Variants in UGT1A10 observed in about 807,000 individuals in gnomAD.
UGT1A10 encodes the protein UDP-glucuronosyltransferase 1A10.
UGT1A10 carries 49 observed loss-of-function variants against 45.8 expected under a neutral mutation model. The ratio of observed to expected loss-of-function variants is 1.07; its 90% CI spans 0.85 to 1.36. UGT1A10 has a LOEUF of 1.36. Among genes scored for constraint, UGT1A10 ranks in the 40% most tolerant of loss-of-function variants. The pLI is 0.00. For synonymous variants in UGT1A10, 284 were observed against 249.7 expected, an observed-to-expected ratio of 1.14 and a Z score of -1.29; for missense variants, 745 against 668.6, an observed-to-expected ratio of 1.11 and a Z score of -1.26.
intron 1 of UGT1A10, among the ~76,000 whole-genome samples, chr2:233,677,509 C>G (rs1272888813): frequency 6.6e-6 from 1 of 152,016 alleles, no homozygotes; most frequent in Non-Finnish European, 1.5e-5. Context: ...GTATTATATC[C>G]TGTATTATGA....
At chr2:233,724,307 C>T (rs2077214825) in intron 1 of UGT1A10, among the ~76,000 whole-genome samples, 2 of 146,966 alleles carry the variant, frequency 1.4e-5, no homozygotes, top group African/African-American at 2.5e-5. Flanking sequence ...CCACCTCCCT[C>T]CCGGACGGGG....
At chr2:233,718,692 G>A in intron 1 of UGT1A10, 1 of 1,589,924 alleles carries the variant, frequency 6.3e-7, no homozygotes, top group Middle Eastern at 2.3e-4. Context: ...AACTGGAGGA[G>A]GGCACTTTGT....
At chr2:233,668,846 G>A (rs1014644157) in intron 1 of UGT1A10, among the ~76,000 whole-genome samples, 3 of 152,144 alleles carry the variant, frequency 2.0e-5, no homozygotes, top group African/African-American at 4.8e-5. Context: ...CCAGGATACC[G>A]CATGACATTT....
At chr2:233,676,336 T>A (rs540806557) in intron 1 of UGT1A10, among the ~76,000 whole-genome samples, 17 of 152,286 alleles carry the variant, frequency 1.1e-4, no homozygotes, top group African/African-American at 4.1e-4. Flanking sequence ...TTACAAATAC[T>A]TCATTGTAGA....
At chr2:233,643,049 C>T (rs2073497176) in intron 1 of UGT1A10, among the ~76,000 whole-genome samples, 1 of 152,198 alleles carries the variant, frequency 6.6e-6, no homozygotes, top group African/African-American at 2.4e-5. Context: ...GTAACCACCT[C>T]CTGGCTACTG....
intron 1 of UGT1A10, among the ~76,000 whole-genome samples, chr2:233,665,811 T>C (rs1200558229): frequency 1.3e-5 from 2 of 151,752 alleles, no homozygotes; most frequent in Non-Finnish European, 2.9e-5. Flanking sequence ...AACAGTGGAG[T>C]AGTTGTGATC....
chr2:233,682,806 C>T (rs2074601597), intron 1 of UGT1A10: 10 of 1,594,636 alleles, frequency 6.3e-6, no homozygotes, highest in Non-Finnish European at 8.6e-6. Flanking sequence ...AGTTATCTCC[C>T]CTTTAGCACA....
At chr2:233,656,426 CAGTT>C (rs2073854526) in intron 1 of UGT1A10, among the ~76,000 whole-genome samples, 1 of 152,202 alleles carries the variant, frequency 6.6e-6, no homozygotes, top group South Asian at 2.1e-4. Context: ...GAATGGACGT[CAGTT>C]AGTCAGTGTC....
intron 1 of UGT1A10, among the ~76,000 whole-genome samples, chr2:233,762,527 A>C (rs1575790124): frequency 4.6e-5 from 7 of 152,228 alleles, no homozygotes; most frequent in Admixed American, 3.9e-4. Context: ...ATTTCATGGT[A>C]CTTGTGTACC....
chr2:233,688,161 C>T (rs544073369), intron 1 of UGT1A10, among the ~76,000 whole-genome samples: 1 of 152,300 alleles, frequency 6.6e-6, no homozygotes, highest in East Asian at 1.9e-4. Flanking sequence ...CTATTCTGGG[C>T]ATTTCATGGA....
intron 1 of UGT1A10, chr2:233,708,765 C>G (rs961432018): frequency 6.6e-6 from 1 of 152,024 alleles, no homozygotes; most frequent in Admixed American, 6.6e-5. Flanking sequence ...CCCACCCCCC[C>G]CCAAATCAAT....
intron 3 of UGT1A10, 61 bp from the exon 4 acceptor site, chr2:233,768,159 T>A (rs1021483824): frequency 8.1e-6 from 13 of 1,613,176 alleles, no homozygotes; most frequent in African/African-American, 1.3e-5. Context: ...AGAACCTAGA[T>A]GTGTCCAGCT....
intron 1 of UGT1A10, among the ~76,000 whole-genome samples, chr2:233,696,325 T>G (rs2075338334): frequency 6.6e-6 from 1 of 152,218 alleles, no homozygotes; most frequent in African/African-American, 2.4e-5. Context: ...TTCATCCTCA[T>G]TTCCTTATAC....
At chr2:233,721,017 C>T (rs1165667415) in intron 1 of UGT1A10, among the ~76,000 whole-genome samples, 3 of 151,958 alleles carry the variant, frequency 2.0e-5, no homozygotes, top group Admixed American at 6.6e-5. Flanking sequence ...AGTGAGGGAG[C>T]CATCTTTCTT....
chr2:233,682,799 T>A (rs749393372), intron 1 of UGT1A10: 1 of 1,609,822 alleles, frequency 6.2e-7, no homozygotes. Flanking sequence ...TATGGTAAGT[T>A]ATCTCCCCTT....
At position 233,768,344 on chromosome 2, in the gene UGT1A10, C is replaced by T. The variant is rs114941320; in HGVS notation, c.1200C>T (p.Arg400=). 1 of 1,614,076 alleles carries T rather than the reference C, an allele frequency of 6.2e-7. No individual in the cohort carries two copies. The highest frequency in any genetic ancestry group is 2.2e-5 in the East Asian group (1 of 44,874). The change falls in exon 4 of 5, where the codon CGC becomes CGT. Residue 400 remains arginine (R), a synonymous_variant. Coordinates refer to ENST00000344644, the MANE Select transcript of UGT1A10 (RefSeq NM_019075.4). ...GTGATCAGATGGACAATGCAAAGCG[C>T]ATGGAGACTAAGGGAGCTGGAGTGA... is the stretch of plus-strand genomic sequence containing the variant. ...LFGDQMDNAK[R]METKGAGVTL...
At chr2:233,661,622 A>C (rs1019348109) in intron 1 of UGT1A10, among the ~76,000 whole-genome samples, 1 of 68,470 alleles carries the variant, frequency 1.5e-5, no homozygotes. Flanking sequence ...GACTTACTGA[A>C]TTTTCTTTCT....
chr2:233,767,818 C>G lies in UGT1A10; in HGVS notation c.988-31C>G, dbSNP rs766005162. On this transcript the variant is annotated intron_variant, in intron 2 of 4. Coordinates refer to ENST00000344644, the MANE Select transcript of UGT1A10 (RefSeq NM_019075.4). ...GTTTTCTAATCATATTATGTTCTTT[C>G]TTTACGTTCTGCTCTTTTTGCCCCT... The G allele has an allele frequency of 1.9e-6, 3 of 1,614,028 alleles. No homozygotes were observed. In the South Asian group the frequency reaches 3.3e-5, roughly 18 times the overall value.
rs6744979 is a variant in UGT1A10 at position 233,689,470 on chromosome 2, G to T, written c.855+52093G>T. ...AAGGATACATTTTAGGAAAACAGAA[G>T]TTACAAGAAGAAATCGCAAATCAAT... is the stretch of plus-strand genomic sequence containing the variant. On this transcript the variant is annotated intron_variant, in intron 1 of 4. Coordinates refer to ENST00000344644, the MANE Select transcript of UGT1A10 (RefSeq NM_019075.4). 1.6e-3 allele frequency among the ~76,000 whole-genome samples: 247 copies of T among 152,324 alleles called. 1 individual carries two copies. Among genetic ancestry groups the T allele is most frequent in the African/African-American group, 5.9e-3 (245 of 41,582 alleles).
Sources: gnomAD v4.1 joint callset for allele counts (sites outside exome capture counted in the v4.1 genomes callset) on GRCh38, gnomAD v4.1.1 for gene constraint, MANE v1.5 for transcripts, NCBI Gene and HGNC (gene_info 2026-07-23, HGNC 2026-07-21) for gene names.